Variants in CD2AP observed in about 807,000 individuals in gnomAD.
The protein encoded by CD2AP is CD2 associated protein.
Under a neutral mutation model 85.1 loss-of-function variants are expected in CD2AP, and 46 were observed. The observed-to-expected ratio is 0.54, with a 90% CI of 0.43 to 0.69. CD2AP has a LOEUF of 0.69. Ranked by LOEUF, CD2AP falls within the 30% of genes least tolerant of loss-of-function variation. The pLI, the probability that CD2AP is intolerant of heterozygous loss-of-function variation, is 0.00. For missense variants in CD2AP, 769 were observed against 729.5 expected, an observed-to-expected ratio of 1.05 and a Z score of -0.62; for synonymous variants, 255 against 252.9, an observed-to-expected ratio of 1.01 and a Z score of -0.08.
intron 11 of CD2AP, among the ~76,000 whole-genome samples, chr6:47,590,218 T>G (rs1224182354): frequency 6.6e-6 from 1 of 152,010 alleles, no homozygotes; most frequent in African/African-American, 2.4e-5. Context: ...GTAACTGTGC[T>G]TAATAAATGT....
chr6:47,579,472 C>T lies in CD2AP; in HGVS notation c.991C>T (p.Leu331Phe), dbSNP rs1314176360. ...CAATTTTGCTGTCCAGATAAATGAA[C>T]TTGATAAAGACTTTCCAGTAAGCTT... ...PDNFAVQINE[L>F]DKDFPKPKKP... Residue 331 changes from leucine to phenylalanine, a missense_variant, in exon 9 of 18, where the codon CTT (leucine) becomes TTT (phenylalanine). Transcript: ENST00000359314. 5.6e-6 allele frequency: 9 copies of T among 1,598,162 alleles called. No homozygotes were observed. Among genetic ancestry groups the T allele is most frequent in the Non-Finnish European group, 7.7e-6 (9 of 1,165,570 alleles).
intron 5 of CD2AP, among the ~76,000 whole-genome samples, chr6:47,570,110 C>G (rs1768109372): frequency 6.6e-6 from 1 of 151,532 alleles, no homozygotes; most frequent in African/African-American, 2.4e-5. Context: ...TGGATTGATT[C>G]TATTAAATGC....
At chr6:47,486,844 A>G (rs752209285) in intron 1 of CD2AP, among the ~76,000 whole-genome samples, 7 of 152,232 alleles carry the variant, frequency 4.6e-5, no homozygotes, top group Non-Finnish European at 8.8e-5. Context: ...GTAAATGTAG[A>G]AGCTCATATA....
At chr6:47,593,616 A>C (rs544725207) in intron 11 of CD2AP, among the ~76,000 whole-genome samples, 3 of 152,168 alleles carry the variant, frequency 2.0e-5, no homozygotes, top group African/African-American at 7.2e-5. Context: ...CTTCACACCC[A>C]CTGAGATGGT....
rs562350159 is a variant in CD2AP, at chr6:47,616,082, C to CTTTTTTTTTTTTTT, written c.1878+3560_1878+3573dup. On this transcript the variant is annotated intron_variant, in intron 17 of 17. Transcript: ENST00000359314. ...GCAGGCATGAGCCACTGCGCCTGGCCTTTTTTTTTTTTTTTTTTTTTTTTT... is the reference window on the plus strand; with the variant it reads ...GCAGGCATGAGCCACTGCGCCTGGCCTTTTTTTTTTTTTTTTTTTTTTTTTTTTTTTTTTTTTTT... Among the ~76,000 whole-genome samples, 39 of 63,802 alleles carry CTTTTTTTTTTTTTT rather than the reference C, an allele frequency of 6.1e-4. 4 individuals carry two copies. The highest frequency in any genetic ancestry group is 1.0e-3 in the African/African-American group (14 of 13,790). 41.9% of individuals were successfully genotyped at this position (63,802 alleles called of 152,430 possible).
At chr6:47,586,469 G>A (rs1411550820) in intron 11 of CD2AP, among the ~76,000 whole-genome samples, 1 of 152,066 alleles carries the variant, frequency 6.6e-6, no homozygotes, top group East Asian at 1.9e-4. Flanking sequence ...AGAGAATGGG[G>A]ACATGAAAAA....
intron 1 of CD2AP, among the ~76,000 whole-genome samples, chr6:47,490,978 A>G (rs1184156508): frequency 6.6e-6 from 1 of 152,122 alleles, no homozygotes; most frequent in Non-Finnish European, 1.5e-5. Context: ...AAATGACGGA[A>G]TTTCTAATAT....
intron 2 of CD2AP, among the ~76,000 whole-genome samples, chr6:47,529,133 A>G (rs1399555566): frequency 2.9e-5 from 4 of 140,200 alleles, no homozygotes; most frequent in Non-Finnish European, 6.0e-5. Context: ...TGTCACGATT[A>G]TAACTTAGGG....
At chr6:47,505,424 A>G (rs1189095811) in intron 2 of CD2AP, among the ~76,000 whole-genome samples, 1 of 150,042 alleles carries the variant, frequency 6.7e-6, no homozygotes, top group East Asian at 2.0e-4. Context: ...TCCCATGTCT[A>G]CCTCTTTCTA....
intron 5 of CD2AP, among the ~76,000 whole-genome samples, chr6:47,566,301 A>AAT (rs71831752): frequency 0.1 from 11,050 of 110,024 alleles, 1,177 homozygotes; most frequent in South Asian, 0.15. Flanking sequence ...TGCTCATTAG[A>AAT]ATATATATAT....
intron 1 of CD2AP, among the ~76,000 whole-genome samples, chr6:47,486,984 G>A (rs1289033577): frequency 1.3e-5 from 2 of 151,968 alleles, no homozygotes; most frequent in Non-Finnish European, 2.9e-5. Flanking sequence ...AACAACTTTT[G>A]GTTTATTTAG....
intron 17 of CD2AP, among the ~76,000 whole-genome samples, chr6:47,612,820 A>G (rs1769486436): frequency 6.6e-6 from 1 of 151,980 alleles, no homozygotes; most frequent in South Asian, 2.1e-4. Context: ...TTGAACTCAT[A>G]GAGATAGAGA....
In CD2AP at chr6:47,552,423, C is replaced by G. The variant is rs573095401; in HGVS notation, c.421-2223C>G. ...TTGGTTTTCCATTCTTGAGTTACTTCACTTAGAATAATAGCCTCCAGTTCC... is the reference window on the plus strand; with the variant it reads ...TTGGTTTTCCATTCTTGAGTTACTTGACTTAGAATAATAGCCTCCAGTTCC... On this transcript the variant is annotated intron_variant, in intron 4 of 17. Transcript: ENST00000359314. Among the ~76,000 whole-genome samples the G allele has an allele frequency of 4.6e-5, 7 of 152,268 alleles. No individual in the cohort carries two copies. In the South Asian group the frequency reaches 1.5e-3, roughly 32 times the overall value.
At position 47,552,142 on chromosome 6, in the gene CD2AP, A is replaced by T. The variant is rs546888989; in HGVS notation, c.421-2504A>T. 1.1e-3 allele frequency among the ~76,000 whole-genome samples: 166 copies of T among 151,736 alleles called. No homozygotes were observed. In the South Asian group the frequency reaches 0.012, roughly 11 times the overall value. On this transcript the variant is annotated intron_variant, in intron 4 of 17. Transcript: ENST00000359314. ...AGTCCTTGCAGTCTGTTTTTTTTAA[A>T]TTTTTTAATTTTTTTATTTCAATAG...
intron 4 of CD2AP, among the ~76,000 whole-genome samples, chr6:47,546,633 CG>C (rs1767372110): frequency 6.6e-6 from 1 of 152,074 alleles, no homozygotes; most frequent in Non-Finnish European, 1.5e-5. Flanking sequence ...AAAACTTCCC[CG>C]GCCTTGCCAG....
In CD2AP at chr6:47,505,485, C is replaced by T. The variant is rs555020517; in HGVS notation, c.165+2045C>T. On this transcript the variant is annotated intron_variant, in intron 2 of 17. Coordinates refer to ENST00000359314, the MANE Select transcript of CD2AP (RefSeq NM_012120.3). ...CTCAATCTCTTCCCCGCCTTTCCCG[C>T]CCTTCTATTCCACAAAGCCGCCATT... Among the ~76,000 whole-genome samples, 5 of 150,932 alleles carry T rather than the reference C, an allele frequency of 3.3e-5. No homozygotes were observed. In the South Asian group the frequency reaches 1.1e-3, roughly 32 times the overall value.
chr6:47,522,902 G>A (rs1269106795), intron 2 of CD2AP, among the ~76,000 whole-genome samples: 2 of 151,550 alleles, frequency 1.3e-5, no homozygotes, highest in Admixed American at 6.6e-5. Flanking sequence ...GCAATATGAA[G>A]AATAAGAGAT....
intron 3 of CD2AP, among the ~76,000 whole-genome samples, chr6:47,534,657 A>T (rs1766977823): frequency 6.6e-6 from 1 of 152,136 alleles, no homozygotes; most frequent in Admixed American, 6.5e-5. Context: ...CTGCCATTGC[A>T]CTCCAGTCTC....
intron 1 of CD2AP, among the ~76,000 whole-genome samples, chr6:47,500,852 T>C (rs913224285): frequency 8.6e-5 from 13 of 151,662 alleles, no homozygotes; most frequent in Admixed American, 3.3e-4. Context: ...ATTCACGCCA[T>C]TTCTCCTGCC....
Sources: gnomAD v4.1 joint callset for allele counts (sites outside exome capture counted in the v4.1 genomes callset) on GRCh38, gnomAD v4.1.1 for gene constraint, MANE v1.5 for transcripts, NCBI Gene and HGNC (gene_info 2026-07-23, HGNC 2026-07-21) for gene names.